CPEB3: variants seen among roughly 807,000 people sequenced by gnomAD.
CPEB3 encodes cytoplasmic polyadenylation element-binding protein 3.
Under a neutral mutation model 67.2 loss-of-function variants are expected in CPEB3, and 20 were observed. That is an observed-to-expected ratio of 0.30 (90% CI 0.21 to 0.43). The LOEUF (loss-of-function observed/expected upper bound fraction) is 0.43, where lower values mean the gene tolerates loss of function less well. Ranked by LOEUF, CPEB3 falls within the 20% of genes least tolerant of loss-of-function variation. The pLI is 1.00. For synonymous variants in CPEB3, 376 were observed against 393.1 expected, an observed-to-expected ratio of 0.96 and a Z score of 0.51; for missense variants, 746 against 968.6, an observed-to-expected ratio of 0.77 and a Z score of 3.05.
At chr10:92,074,993 C>G (rs1842883621) in intron 9 of CPEB3, among the ~76,000 whole-genome samples, 1 of 152,136 alleles carries the variant, frequency 6.6e-6, no homozygotes, top group Non-Finnish European at 1.5e-5. Context: ...TTAGTGAGTG[C>G]CTGCTGTGTG....
chr10:92,200,283 G>A (rs1262677033), intron 2 of CPEB3, among the ~76,000 whole-genome samples: 1 of 151,798 alleles, frequency 6.6e-6, no homozygotes, highest in African/African-American at 2.4e-5. Context: ...GGTGGCTCAC[G>A]CCTGTAATCC....
At chr10:92,192,910 G>A (rs556303179) in intron 2 of CPEB3, among the ~76,000 whole-genome samples, 38 of 152,240 alleles carry the variant, frequency 2.5e-4, no homozygotes, top group African/African-American at 7.5e-4. Context: ...GAGCTACCGC[G>A]CTGATCCTGC....
chr10:92,236,623 C>T (rs1175167416), intron 2 of CPEB3, among the ~76,000 whole-genome samples: 1 of 152,130 alleles, frequency 6.6e-6, no homozygotes, highest in East Asian at 1.9e-4. Context: ...GTGGCGGACG[C>T]CTGTAATCCC....
intron 1 of CPEB3, 26 bp from the exon 2 acceptor site, chr10:92,240,387 GTTA>G: frequency 7.0e-7 from 1 of 1,437,502 alleles, no homozygotes; most frequent in Non-Finnish European, 9.2e-7. Flanking sequence ...AGAGAGACGC[GTTA>G]TTGTCAATGT....
chr10:92,212,924 T>A (rs1850166459), intron 2 of CPEB3, among the ~76,000 whole-genome samples: 1 of 151,998 alleles, frequency 6.6e-6, no homozygotes, highest in African/African-American at 2.4e-5. Flanking sequence ...AAATAAAATT[T>A]AAAAAATTTC....
At chr10:92,130,652 T>C (rs923311479) in intron 6 of CPEB3, among the ~76,000 whole-genome samples, 3 of 137,352 alleles carry the variant, frequency 2.2e-5, no homozygotes, top group African/African-American at 8.6e-5. Flanking sequence ...TTTCCCTATG[T>C]GGCTTTTTTT....
intron 3 of CPEB3, among the ~76,000 whole-genome samples, chr10:92,191,428 A>G (rs904493073): frequency 6.6e-6 from 1 of 151,936 alleles, no homozygotes; most frequent in South Asian, 2.1e-4. Flanking sequence ...AAATAAACTC[A>G]CTTTCCCCAA....
chr10:92,223,564 T>C (rs1024487819), intron 2 of CPEB3, among the ~76,000 whole-genome samples: 5 of 143,896 alleles, frequency 3.5e-5, no homozygotes, highest in Non-Finnish European at 7.7e-5. Flanking sequence ...CTCCTAATTA[T>C]TTCTTTTTTT....
At chr10:92,234,928 A>C (rs1406703969) in intron 2 of CPEB3, among the ~76,000 whole-genome samples, 2 of 152,108 alleles carry the variant, frequency 1.3e-5, no homozygotes, top group African/African-American at 4.8e-5. Context: ...CCATCCCCCG[A>C]AAAAACAAAA....
At chr10:92,254,432 G>C (rs1357414235) in intron 1 of CPEB3, among the ~76,000 whole-genome samples, 1 of 152,160 alleles carries the variant, frequency 6.6e-6, no homozygotes, top group Non-Finnish European at 1.5e-5. Context: ...GACTAAGTTT[G>C]AGAACAGAAT....
intron 1 of CPEB3, among the ~76,000 whole-genome samples, chr10:92,290,580 C>T (rs1842820377): frequency 6.6e-6 from 1 of 152,160 alleles, no homozygotes; most frequent in Non-Finnish European, 1.5e-5. Context: ...CCCCCAACTC[C>T]CCAGCCCCAA....
At chr10:92,186,681 C>T (rs1179499219) in intron 3 of CPEB3, among the ~76,000 whole-genome samples, 5 of 152,048 alleles carry the variant, frequency 3.3e-5, no homozygotes, top group Non-Finnish European at 5.9e-5. Flanking sequence ...GCGATCTGCC[C>T]GCCTCAGCCT....
chr10:92,224,035 G>A (rs2134472844), intron 2 of CPEB3, among the ~76,000 whole-genome samples: 1 of 152,256 alleles, frequency 6.6e-6, no homozygotes, highest in Admixed American at 6.5e-5. Flanking sequence ...AAAGTGCTGG[G>A]ATTACAGGTG....
intron 1 of CPEB3, among the ~76,000 whole-genome samples, chr10:92,280,558 C>T (rs1842231640): frequency 7.1e-6 from 1 of 141,616 alleles, no homozygotes; most frequent in Non-Finnish European, 1.5e-5. Context: ...CTCGTCTCTA[C>T]AAAAAGTATA....
intron 1 of CPEB3, among the ~76,000 whole-genome samples, chr10:92,280,653 TGA>T (rs1491186757): frequency 1.2e-5 from 1 of 81,842 alleles, no homozygotes; most frequent in Non-Finnish European, 2.5e-5. Context: ...GGGCCGAGAG[TGA>T]AAAAAAAAAA....
intron 2 of CPEB3, among the ~76,000 whole-genome samples, chr10:92,215,707 C>G (rs1444759661): frequency 7.2e-6 from 1 of 139,132 alleles, no homozygotes; most frequent in East Asian, 2.2e-4. Flanking sequence ...TCCCAAAGTG[C>G]TGGAATTACA....
intron 9 of CPEB3, among the ~76,000 whole-genome samples, chr10:92,059,411 G>C (rs1216077483): frequency 6.6e-6 from 1 of 151,092 alleles, no homozygotes; most frequent in African/African-American, 2.4e-5. Context: ...AAATTAAGAA[G>C]GAAACTGAAA....
chr10:92,187,634 C>A (rs755112433), intron 3 of CPEB3, among the ~76,000 whole-genome samples: 34 of 152,156 alleles, frequency 2.2e-4, no homozygotes, highest in Non-Finnish European at 1.0e-4. Flanking sequence ...CCTGACCTGA[C>A]GACCATGAGT....
At chr10:92,246,769 A>G (rs963554545) in intron 1 of CPEB3, among the ~76,000 whole-genome samples, 29 of 152,186 alleles carry the variant, frequency 1.9e-4, no homozygotes, top group South Asian at 4.1e-4. Context: ...CGGCCTCCCA[A>G]AGTGCTGGGA....
Sources: gnomAD v4.1 joint callset for allele counts (sites outside exome capture counted in the v4.1 genomes callset) on GRCh38, gnomAD v4.1.1 for gene constraint, MANE v1.5 for transcripts, NCBI Gene and HGNC (gene_info 2026-07-23, HGNC 2026-07-21) for gene names.